Variants in NMNAT3 observed in about 807,000 individuals in gnomAD.
NMNAT3 encodes nicotinamide/nicotinic acid mononucleotide adenylyltransferase 3.
In NMNAT3, 21 loss-of-function variants were observed where a neutral mutation model predicts 24.8. The observed-to-expected ratio is 0.85, with a 90% CI of 0.60 to 1.22. NMNAT3 has a LOEUF of 1.22. NMNAT3 is among the 50% of genes most tolerant of loss of function. The probability of loss-of-function intolerance (pLI) is 0.00; values close to 1 mark genes in which losing one functional copy is unlikely to be tolerated. For synonymous variants in NMNAT3, 136 were observed against 155.2 expected (o/e 0.88, Z 0.92); for missense variants, 387 against 436.6 (o/e 0.89, Z 1.01).
At chr3:139,627,553 A>T in intron 3 of NMNAT3, 63 bp downstream of exon 4, 1 of 872,602 alleles carries the variant, frequency 1.1e-6, no homozygotes, top group Non-Finnish European at 1.7e-6. Flanking sequence ...GCCAGCAGCC[A>T]GAAAAGCCCC....
intron 6 of NMNAT3, chr3:139,566,040 T>G: frequency 6.6e-6 from 1 of 152,218 alleles, no homozygotes; most frequent in Non-Finnish European, 1.5e-5. Context: ...CCTGACTTTT[T>G]AATGATCGCC....
intron 3 of NMNAT3, among the ~76,000 whole-genome samples, chr3:139,622,648 T>A (rs987905061): frequency 1.3e-5 from 2 of 149,912 alleles, no homozygotes; most frequent in African/African-American, 4.9e-5. Context: ...GACAGGAGAA[T>A]CGCTTGAACA....
intron 2 of NMNAT3, among the ~76,000 whole-genome samples, chr3:139,632,941 C>A (rs185430498): frequency 2.6e-5 from 4 of 152,144 alleles, no homozygotes; most frequent in Non-Finnish European, 4.4e-5. Flanking sequence ...ATCATGAAGG[C>A]CCCCATAAAG....
At chr3:139,668,297 C>A (rs1187388453) in intron 1 of NMNAT3, among the ~76,000 whole-genome samples, 1 of 152,190 alleles carries the variant, frequency 6.6e-6, no homozygotes, top group Non-Finnish European at 1.5e-5. Context: ...CGCTGGTGAC[C>A]TATAGCAGAG....
At chr3:139,672,901 C>T (rs1321161386) in intron 1 of NMNAT3, among the ~76,000 whole-genome samples, 1 of 152,126 alleles carries the variant, frequency 6.6e-6, no homozygotes, top group Non-Finnish European at 1.5e-5. Flanking sequence ...GCATGGTGCC[C>T]CTCTGGAGAA....
intron 1 of NMNAT3, among the ~76,000 whole-genome samples, chr3:139,667,009 A>G (rs1301751165): frequency 6.6e-6 from 1 of 152,206 alleles, no homozygotes; most frequent in Non-Finnish European, 1.5e-5. Context: ...GCTGATGGAC[A>G]TTTAGGTTGA....
rs149338334 is a variant in NMNAT3 at position 139,576,220 on chromosome 3, A to AT, written c.576-2541dup. 1,164 of 985,354 alleles carry AT rather than the reference A, an allele frequency of 1.2e-3. 32 individuals are homozygous for AT. In the East Asian group the frequency reaches 0.079, roughly 67 times the overall value. The allele number at this position is 985,354 out of a possible 1,614,324, so 61.0% of individuals were successfully genotyped here. On this transcript the variant is annotated intron_variant, in intron 5 of 6. Transcript: ENST00000643695. ...TCTAAAACCACCTGACTTTACAATT[A>AT]TAACTGGATTTTCAGTCTTAAAAAA...
intron 2 of NMNAT3, among the ~76,000 whole-genome samples, chr3:139,633,372 G>A (rs2056377620): frequency 6.6e-6 from 1 of 151,874 alleles, no homozygotes. Context: ...TAGAGACGGG[G>A]TTTCTCCATG....
At chr3:139,596,416 C>G (rs2054461825) in intron 3 of NMNAT3, among the ~76,000 whole-genome samples, 1 of 152,142 alleles carries the variant, frequency 6.6e-6, no homozygotes. Context: ...GGTAGGAAAT[C>G]AAACTGCTTT....
At chr3:139,594,093 T>G (rs1179912074) in intron 3 of NMNAT3, among the ~76,000 whole-genome samples, 29 of 151,948 alleles carry the variant, frequency 1.9e-4, no homozygotes, top group African/African-American at 4.8e-4. Flanking sequence ...AAAGAGAGAA[T>G]AATCAAATAG....
intron 3 of NMNAT3, among the ~76,000 whole-genome samples, chr3:139,627,212 G>A (rs969845831): frequency 4.6e-5 from 7 of 152,034 alleles, no homozygotes; most frequent in African/African-American, 1.4e-4. Context: ...ATGTCAAAAT[G>A]CCCATTATCA....
At chr3:139,567,193 T>G (rs1356476070) in intron 6 of NMNAT3, 1 of 152,184 alleles carries the variant, frequency 6.6e-6, no homozygotes, top group Non-Finnish European at 1.5e-5. Flanking sequence ...TGCTTGTGAT[T>G]TTTGTACATT....
intron 6 of NMNAT3, among the ~76,000 whole-genome samples, chr3:139,564,258 CT>C (rs1388478274): frequency 2.0e-5 from 3 of 148,012 alleles, no homozygotes; most frequent in Non-Finnish European, 4.6e-5. Context: ...ACAGTGATGT[CT>C]GTCATGGTAC....
At position 139,655,623 on chromosome 3, in the gene NMNAT3, A is replaced by AGAT. The variant is rs2057213340; in HGVS notation, c.-140-17564_-140-17562dup. Among the ~76,000 whole-genome samples the AGAT allele has an allele frequency of 2.9e-5, 3 of 104,266 alleles. No homozygotes were observed. The East Asian group carries it at 1.3e-3, about 45-fold the overall frequency. 68.4% of individuals were successfully genotyped at this position (104,266 alleles called of 152,430 possible). A position where few individuals can be genotyped will look rare whatever the true frequency, so the allele number is the denominator to read the frequency against. ...CTATTATAATTATTTTTACTTCTCTAGATGAAGAAGAAGCATTTCTAAATT... is the reference window on the plus strand; with the variant it reads ...CTATTATAATTATTTTTACTTCTCTAGATGATGAAGAAGAAGCATTTCTAAATT... On this transcript the variant is annotated intron_variant, in intron 1 of 6. Transcript: ENST00000643695.
intron 4 of NMNAT3, among the ~76,000 whole-genome samples, chr3:139,582,374 G>A (rs1228112686): frequency 6.6e-6 from 1 of 151,724 alleles, no homozygotes; most frequent in Admixed American, 6.6e-5. Context: ...GGACATGATA[G>A]CTCATGCCTG....
chr3:139,578,725 C>A (rs1464736072), intron 5 of NMNAT3, 147 bp downstream of exon 5: 2 of 632,182 alleles, frequency 3.2e-6, no homozygotes, highest in Non-Finnish European at 5.3e-6. Flanking sequence ...GATCTCTCTC[C>A]TGCTAAGTAG....
chr3:139,610,212 C>T (rs2055144672), intron 3 of NMNAT3, among the ~76,000 whole-genome samples: 1 of 152,074 alleles, frequency 6.6e-6, no homozygotes, highest in South Asian at 2.1e-4. Flanking sequence ...CACTCATCTG[C>T]AAAGTGCTGT....
intron 1 of NMNAT3, among the ~76,000 whole-genome samples, chr3:139,646,986 G>T (rs1388171988): frequency 6.6e-6 from 1 of 152,212 alleles, no homozygotes; most frequent in Non-Finnish European, 1.5e-5. Context: ...ATTTTGAACA[G>T]GAGTGGAACA....
Position 139,560,974 on chromosome 3 carries a change from T to C in NMNAT3, c.*36A>G. ...TAACAGCCCTCTCCCCAGCAGGAGCTTGTTGGAGGAGGTGTGGGTGCTGAG... is the reference window on the plus strand; with the variant it reads ...TAACAGCCCTCTCCCCAGCAGGAGCCTGTTGGAGGAGGTGTGGGTGCTGAG... On this transcript the variant is annotated 3_prime_UTR_variant, in exon 7 of 7. Transcript: ENST00000643695. The C allele has an allele frequency of 6.3e-7, 1 of 1,581,458 alleles. No individual in the cohort carries two copies.
Sources: gnomAD v4.1 joint callset for allele counts (sites outside exome capture counted in the v4.1 genomes callset) on GRCh38, gnomAD v4.1.1 for gene constraint, MANE v1.5 for transcripts, NCBI Gene and HGNC (gene_info 2026-07-23, HGNC 2026-07-21) for gene names.